The following PHF21A variants were observed in gnomAD, a reference collection of about 807,000 sequenced individuals.
The protein encoded by PHF21A is PHD finger protein 21A.
Under a neutral mutation model 82.5 loss-of-function variants are expected in PHF21A, and 11 were observed. The ratio of observed to expected loss-of-function variants is 0.13; its 90% CI spans 0.08 to 0.22. PHF21A has a LOEUF of 0.22. Among genes scored for constraint, PHF21A ranks in the 10% least tolerant of loss-of-function variants. The pLI is 1.00. For synonymous variants in PHF21A, 297 were observed against 302.8 expected (o/e 0.98, Z 0.20); for missense variants, 579 against 837.8 (o/e 0.69, Z 3.81).
At chr11:45,938,093 T>C in intron 16 of PHF21A, 64 bp downstream of exon 16, 2 of 1,370,894 alleles carry the variant, frequency 1.5e-6, no homozygotes, top group Non-Finnish European at 9.9e-7. Context: ...GGGAAAGGAA[T>C]TCCTCCTGAT....
chr11:45,977,494 A>C (rs925583854), intron 7 of PHF21A, among the ~76,000 whole-genome samples: 11 of 152,178 alleles, frequency 7.2e-5, no homozygotes, highest in African/African-American at 2.4e-4. Flanking sequence ...ATGGGTTAAG[A>C]CAGAAAACTC....
At position 46,081,397 on chromosome 11, in the gene PHF21A, G is replaced by A. The variant is rs564206074; in HGVS notation, c.55-2231C>T. ...CTAGCCACAGTCTTCAATGAAAAAA[G>A]CTCTTGATTTTCCTTTTTGATTTGG... On this transcript the variant is annotated intron_variant, in intron 4 of 18. Transcript: ENST00000676320. Among the ~76,000 whole-genome samples, 10 of 152,224 alleles carry A rather than the reference G, an allele frequency of 6.6e-5. No homozygotes were observed. The South Asian group carries it at 1.0e-3, about 16-fold the overall frequency.
chr11:46,093,837 A>T (rs1417166389), intron 1 of PHF21A, among the ~76,000 whole-genome samples: 1 of 152,210 alleles, frequency 6.6e-6, no homozygotes, highest in African/African-American at 2.4e-5. Flanking sequence ...ATCGATTTCC[A>T]GCAGCATTAT....
intron 6 of PHF21A, 21 bp from the exon 7 acceptor site, chr11:45,979,987 G>A (rs772268825): frequency 5.0e-6 from 8 of 1,613,666 alleles, no homozygotes; most frequent in Non-Finnish European, 6.8e-6. Context: ...AAGACAAAAA[G>A]AAATAAAAGA....
At chr11:46,093,069 T>C (rs957411102) in intron 1 of PHF21A, among the ~76,000 whole-genome samples, 1 of 152,190 alleles carries the variant, frequency 6.6e-6, no homozygotes, top group African/African-American at 2.4e-5. Flanking sequence ...TCTTACCACT[T>C]TAGATTGTAA....
chr11:46,049,504 G>A (rs2096312612), intron 6 of PHF21A: 1 of 456,056 alleles, frequency 2.2e-6, no homozygotes, highest in Non-Finnish European at 4.4e-6. Flanking sequence ...GCTTCTAAAA[G>A]GGGAAGAGAA....
chr11:46,117,271 T>C (rs1277394723), intron 1 of PHF21A: 1 of 152,224 alleles, frequency 6.6e-6, no homozygotes, highest in African/African-American at 2.4e-5. Flanking sequence ...CACAAAACTT[T>C]ACAAGCAACC....
intron 15 of PHF21A, among the ~76,000 whole-genome samples, chr11:45,942,136 A>G (rs976962368): frequency 6.6e-6 from 1 of 152,224 alleles, no homozygotes; most frequent in Non-Finnish European, 1.5e-5. Flanking sequence ...ATTATCTTAA[A>G]AATACCTTCT....
intron 6 of PHF21A, among the ~76,000 whole-genome samples, chr11:46,027,596 C>T (rs1236505753): frequency 2.0e-5 from 3 of 152,156 alleles, no homozygotes; most frequent in African/African-American, 7.2e-5. Context: ...ATGAAGCAAG[C>T]CAATCAACGA....
chr11:46,045,748 G>A (rs2096247231), intron 6 of PHF21A, among the ~76,000 whole-genome samples: 1 of 152,094 alleles, frequency 6.6e-6, no homozygotes, highest in Non-Finnish European at 1.5e-5. Context: ...AGACTTTTTG[G>A]AAGCCCTACT....
chr11:45,957,775 A>T (rs1267682350), intron 10 of PHF21A, among the ~76,000 whole-genome samples: 1 of 150,830 alleles, frequency 6.6e-6, no homozygotes, highest in Non-Finnish European at 1.5e-5. Flanking sequence ...AAAAAGAAAA[A>T]AGAAAATAAA....
chr11:46,002,119 C>T (rs533604360), intron 6 of PHF21A, among the ~76,000 whole-genome samples: 1 of 152,058 alleles, frequency 6.6e-6, no homozygotes, highest in Non-Finnish European at 1.5e-5. Context: ...TAAGTAAATG[C>T]TTTCATTAAA....
rs1315107302 is a variant in PHF21A at position 45,938,837 on chromosome 11, C to CT, written c.1453-526dup. 7.9e-3 allele frequency among the ~76,000 whole-genome samples: 1,136 copies of CT among 143,200 alleles called. 5 individuals carry two copies. The highest frequency in any genetic ancestry group is 0.012 in the Non-Finnish European group (758 of 64,952). 93.9% of individuals were successfully genotyped at this position (143,200 alleles called of 152,430 possible). A position where few individuals can be genotyped will look rare whatever the true frequency, so the allele number is the denominator to read the frequency against. On this transcript the variant is annotated intron_variant, in intron 15 of 18. Coordinates refer to ENST00000676320, the MANE Select transcript of PHF21A (RefSeq NM_001352027.3). ...CAGATAAGGGGGAGACTAGTGTATT[C>CT]TTTTTTTTTTTTTTGAGACAGAGTC... is the stretch of plus-strand genomic sequence containing the variant.
intron 1 of PHF21A, among the ~76,000 whole-genome samples, chr11:46,109,958 G>A (rs935504558): frequency 6.7e-6 from 1 of 149,598 alleles, no homozygotes; most frequent in African/African-American, 2.5e-5. Context: ...TCCAGCCTGG[G>A]CAACAGGGCA....
At chr11:46,096,673 A>G (rs1289345432) in intron 1 of PHF21A, among the ~76,000 whole-genome samples, 1 of 151,996 alleles carries the variant, frequency 6.6e-6, no homozygotes, top group East Asian at 1.9e-4. Context: ...CAACACCTTA[A>G]AATGTGGAAC....
At chr11:46,013,830 T>C (rs1354213681) in intron 6 of PHF21A, among the ~76,000 whole-genome samples, 1 of 152,024 alleles carries the variant, frequency 6.6e-6, no homozygotes, top group Non-Finnish European at 1.5e-5. Context: ...ACAGTAAAAA[T>C]ACACTACGAA....
At chr11:45,992,665 C>T (rs1256803299) in intron 6 of PHF21A, among the ~76,000 whole-genome samples, 4 of 152,142 alleles carry the variant, frequency 2.6e-5, no homozygotes, top group African/African-American at 9.7e-5. Context: ...TGGGATGTGA[C>T]TTTAGTGGGA....
At chr11:45,989,526 G>A (rs936154363) in intron 6 of PHF21A, among the ~76,000 whole-genome samples, 8 of 148,254 alleles carry the variant, frequency 5.4e-5, no homozygotes, top group East Asian at 2.0e-4. Flanking sequence ...AAAATTAGCC[G>A]GGCCTGATGT....
At chr11:45,935,462 G>A in intron 18 of PHF21A, 174 bp downstream of exon 18, 1 of 641,104 alleles carries the variant, frequency 1.6e-6, no homozygotes, top group African/African-American at 1.8e-5. Context: ...CTGGCCGCCT[G>A]TACCTGAGGT....
Sources: gnomAD v4.1 joint callset for allele counts (sites outside exome capture counted in the v4.1 genomes callset) on GRCh38, gnomAD v4.1.1 for gene constraint, MANE v1.5 for transcripts, NCBI Gene and HGNC (gene_info 2026-07-23, HGNC 2026-07-21) for gene names.